Variants in ANKS1A observed in about 807,000 individuals in gnomAD.
ANKS1A encodes the protein ankyrin repeat and sterile alpha motif domain containing 1A.
Under a neutral mutation model 120.3 loss-of-function variants are expected in ANKS1A, and 55 were observed. The ratio of observed to expected loss-of-function variants is 0.46; its 90% CI spans 0.37 to 0.57. ANKS1A has a LOEUF of 0.57. ANKS1A is among the 20% of genes least tolerant of loss of function. The pLI, the probability that ANKS1A is intolerant of heterozygous loss-of-function variation, is 0.00. For missense variants in ANKS1A, 1,123 were observed against 1,480.3 expected (o/e 0.76, Z 3.96); for synonymous variants, 590 against 604.7 (o/e 0.98, Z 0.36).
chr6:35,084,257 T>C lies in ANKS1A; in HGVS notation c.3131T>C (p.Val1044Ala), dbSNP rs1777844400. 1 of 1,613,768 alleles carries C rather than the reference T, an allele frequency of 6.2e-7. No homozygotes were observed. Among genetic ancestry groups the C allele is most frequent in the Admixed American group, 1.7e-5 (1 of 59,976 alleles). ...HYCHVFSTVDVNLTYEIILTL... is the reference protein window; with the variant it reads ...HYCHVFSTVDANLTYEIILTL... The stretch of plus-strand genomic sequence containing the variant: ...TGCCATGTGTTCAGCACCGTGGATG[T>C]GGTGGGTGGGGTCCTGGGGCCGGGT... Residue 1044 changes from valine (V) to alanine (A), a missense_variant and splice_region_variant, in exon 21 of 24, where the codon GTG becomes GCG. By Grantham distance (64) the Val-to-Ala change is moderately conservative. Coordinates refer to ENST00000360359, the MANE Select transcript of ANKS1A (RefSeq NM_015245.3). This position sits in a 1 kb window ranked among gnomAD's most constrained non-coding sequence, Gnocchi z 4.8.
At chr6:34,900,655 A>G (rs1299388741) in intron 1 of ANKS1A, among the ~76,000 whole-genome samples, 2 of 152,212 alleles carry the variant, frequency 1.3e-5, no homozygotes, top group Non-Finnish European at 2.9e-5. Context: ...ACTGAAACAC[A>G]GAGAGATGAA....
At position 35,038,557 on chromosome 6, in the gene ANKS1A, C is replaced by T. The variant is rs1775296437; in HGVS notation, c.2011-15542C>T. Among the ~76,000 whole-genome samples, 2 of 152,168 alleles carry T rather than the reference C, an allele frequency of 1.3e-5. 1 individual carries two copies. Among genetic ancestry groups the T allele is most frequent in the South Asian group, 4.2e-4 (2 of 4,818 alleles). On this transcript the variant is annotated intron_variant, in intron 11 of 23. Coordinates refer to ENST00000360359, the MANE Select transcript of ANKS1A (RefSeq NM_015245.3). ...AGTGCAATGGTGTGACAATAGCTCA[C>T]TATAGCCTCAAACTCCTGGGCTGAA...
At chr6:35,070,343 C>T (rs1467003532) in intron 13 of ANKS1A, among the ~76,000 whole-genome samples, 1 of 152,008 alleles carries the variant, frequency 6.6e-6, no homozygotes, top group Non-Finnish European at 1.5e-5. Context: ...GGTCTTTTTC[C>T]GATCCTGAAG....
chr6:34,932,103 G>T (rs888562360), intron 1 of ANKS1A, among the ~76,000 whole-genome samples: 2 of 152,204 alleles, frequency 1.3e-5, no homozygotes, highest in Non-Finnish European at 2.9e-5. Flanking sequence ...ACAGGAGTAA[G>T]CCTGACTTCA....
chr6:35,068,418 G>A (rs373591477), intron 13 of ANKS1A, among the ~76,000 whole-genome samples: 8 of 152,122 alleles, frequency 5.3e-5, no homozygotes, highest in Admixed American at 2.6e-4. Context: ...ACATCTGCCC[G>A]GGGTTTGTTA....
Position 35,090,482 on chromosome 6 carries a change from G to T in ANKS1A, c.*1873G>T. 9.0e-7 allele frequency: 1 copy of T among 1,115,204 alleles called. No individual in the cohort carries two copies. The highest frequency in any genetic ancestry group is 1.1e-6 in the Non-Finnish European group (1 of 903,198). The allele number at this position is 1,115,204 out of a possible 1,614,324, so 69.1% of individuals were successfully genotyped here. Reference sequence around the variant, plus strand: ...GTCTTTTGTGCTTAGATCATCCATAGGTGTTTCTTCTGCTTGAAGCTGCTA... The same window carrying T: ...GTCTTTTGTGCTTAGATCATCCATATGTGTTTCTTCTGCTTGAAGCTGCTA... On this transcript the variant is annotated 3_prime_UTR_variant, in exon 24 of 24. Transcript: ENST00000360359.
chr6:34,950,265 C>T (rs1341441088), intron 1 of ANKS1A, among the ~76,000 whole-genome samples: 2 of 124,416 alleles, frequency 1.6e-5, no homozygotes, highest in African/African-American at 3.2e-5. Flanking sequence ...CTTGCTCTGT[C>T]GCCCAGGCTG....
intron 1 of ANKS1A, among the ~76,000 whole-genome samples, chr6:34,923,026 G>T (rs544634019): frequency 6.6e-6 from 1 of 152,144 alleles, no homozygotes; most frequent in Non-Finnish European, 1.5e-5. Flanking sequence ...GCAAAGGTAG[G>T]AGCCATAGAA....
At chr6:34,992,131 A>G (rs182572510) in intron 9 of ANKS1A, among the ~76,000 whole-genome samples, 34 of 152,338 alleles carry the variant, frequency 2.2e-4, no homozygotes, top group African/African-American at 7.5e-4. Flanking sequence ...ATACTGGTCC[A>G]GGATCAAGGG....
chr6:34,984,566 G>T (rs1772080955), intron 7 of ANKS1A, among the ~76,000 whole-genome samples: 1 of 152,166 alleles, frequency 6.6e-6, no homozygotes, highest in South Asian at 2.1e-4. Flanking sequence ...AGTTGCCTGG[G>T]CTCTAATAGT....
intron 2 of ANKS1A, among the ~76,000 whole-genome samples, chr6:34,969,409 C>T (rs1771069189): frequency 6.6e-6 from 1 of 152,180 alleles, no homozygotes; most frequent in Admixed American, 6.5e-5. Context: ...TGCCCACCAC[C>T]ACACCCAGCT....
intron 1 of ANKS1A, among the ~76,000 whole-genome samples, chr6:34,913,047 T>G (rs1248140408): frequency 6.6e-6 from 1 of 152,216 alleles, no homozygotes; most frequent in Non-Finnish European, 1.5e-5. Flanking sequence ...TTACTGAGTT[T>G]CTGTTCTGTG....
At chr6:34,976,379 G>A (rs1561884573) in intron 3 of ANKS1A, among the ~76,000 whole-genome samples, 1 of 152,058 alleles carries the variant, frequency 6.6e-6, no homozygotes, top group African/African-American at 2.4e-5. Context: ...CAACAAGTCG[G>A]TGTAAACCAG....
At chr6:34,980,303 A>G (rs1771838006) in intron 3 of ANKS1A, among the ~76,000 whole-genome samples, 1 of 152,220 alleles carries the variant, frequency 6.6e-6, no homozygotes, top group Admixed American at 6.5e-5. Context: ...GTGTGCATTT[A>G]TCTTTGCATG....
chr6:34,963,639 G>A (rs965319932), intron 1 of ANKS1A, among the ~76,000 whole-genome samples: 3 of 152,198 alleles, frequency 2.0e-5, no homozygotes, highest in Non-Finnish European at 4.4e-5. Flanking sequence ...ATACCCAGTA[G>A]TACAATTGCT....
intron 1 of ANKS1A, among the ~76,000 whole-genome samples, chr6:34,921,314 G>A (rs139931277): frequency 1.5e-4 from 23 of 152,016 alleles, no homozygotes; most frequent in Admixed American, 1.1e-3. Flanking sequence ...TTTTTATTAA[G>A]CCTCTTCCTT....
At chr6:34,953,352 A>T (rs1770183301) in intron 1 of ANKS1A, among the ~76,000 whole-genome samples, 1 of 152,212 alleles carries the variant, frequency 6.6e-6, no homozygotes, top group Non-Finnish European at 1.5e-5. Flanking sequence ...AAGTTCCCTG[A>T]GGAGAGTTTT....
chr6:34,920,126 A>C (rs993664663), intron 1 of ANKS1A, among the ~76,000 whole-genome samples: 1 of 152,012 alleles, frequency 6.6e-6, no homozygotes, highest in African/African-American at 2.4e-5. Flanking sequence ...TTTATTGATG[A>C]GTGGGTCTGC....
intron 1 of ANKS1A, among the ~76,000 whole-genome samples, chr6:34,899,586 CT>C (rs1767249281): frequency 6.6e-6 from 1 of 152,102 alleles, no homozygotes; most frequent in Admixed American, 6.5e-5. Flanking sequence ...TTTATTTTTT[CT>C]TTTAAATTAT....
Sources: allele counts gnomAD v4.1 joint callset (sites outside exome capture counted in the v4.1 genomes callset), GRCh38; gene constraint gnomAD v4.1.1; non-coding constraint Gnocchi (gnomAD v3.1); transcripts MANE v1.5; gene names NCBI Gene and HGNC (gene_info 2026-07-23, HGNC 2026-07-21).